CLSTN2: variants seen among roughly 807,000 people sequenced by gnomAD.
CLSTN2 encodes calsyntenin 2.
In CLSTN2, 48 loss-of-function variants were observed where a neutral mutation model predicts 101.2. That is an observed-to-expected ratio of 0.47 (90% CI 0.38 to 0.60). The LOEUF (loss-of-function observed/expected upper bound fraction) is 0.60. CLSTN2 is among the 20% of genes least tolerant of loss of function. CLSTN2 has a pLI of 0.00. For synonymous variants in CLSTN2, 481 were observed against 463.6 expected (o/e 1.04, Z -0.48); for missense variants, 1,160 against 1,238.2 (o/e 0.94, Z 0.95).
At chr3:140,563,342 G>A (rs1012510414) in intron 15 of CLSTN2, 139 bp downstream of exon 15, 1 of 946,128 alleles carries the variant, frequency 1.1e-6, no homozygotes, top group Non-Finnish European at 1.6e-6. Flanking sequence ...GAGAAAATGT[G>A]CCCTGGCTTT....
chr3:140,138,198 A>G (rs2009643896), intron 1 of CLSTN2, among the ~76,000 whole-genome samples: 1 of 152,164 alleles, frequency 6.6e-6, no homozygotes, highest in African/African-American at 2.4e-5. Context: ...AAGTACCCCA[A>G]ATGACAGCAG....
chr3:140,159,092 C>T (rs185670423), intron 1 of CLSTN2, among the ~76,000 whole-genome samples: 54 of 152,142 alleles, frequency 3.5e-4, no homozygotes, highest in East Asian at 9.7e-4. Context: ...AGAAAACCTA[C>T]GAAATATTCT....
chr3:140,379,011 T>G (rs1298723972), intron 2 of CLSTN2, among the ~76,000 whole-genome samples: 1 of 152,236 alleles, frequency 6.6e-6, no homozygotes, highest in African/African-American at 2.4e-5. Flanking sequence ...GAAGTCTTTA[T>G]CTGTTGTGGT....
intron 1 of CLSTN2, among the ~76,000 whole-genome samples, chr3:140,078,571 C>G (rs1191444576): frequency 6.6e-6 from 1 of 152,124 alleles, no homozygotes; most frequent in African/African-American, 2.4e-5. Flanking sequence ...GTGCCACAGC[C>G]TGGAATTATT....
In CLSTN2 at chr3:140,563,130, T is replaced by C. The variant is rs201356149; in HGVS notation, c.2409T>C (p.His803=). 11 of 1,614,072 alleles carry C rather than the reference T, an allele frequency of 6.8e-6. No individual in the cohort carries two copies. The highest frequency in any genetic ancestry group is 1.1e-5 in the South Asian group (1 of 91,074). The stretch of plus-strand genomic sequence containing the variant: ...TCTCAGATAAGGAGCATGTCAATCA[T>C]CTGATTGTGCAGCCTCCCTTCCTCC... ...DQVSDKEHVN[H]LIVQPPFLQS... is the part of the protein sequence containing the mutation. Residue 803 remains histidine, a synonymous_variant, in exon 15 of 17, where the codon CAT becomes CAC. Transcript: ENST00000458420.
At chr3:139,952,455 G>T (rs1935310676) in intron 1 of CLSTN2, among the ~76,000 whole-genome samples, 1 of 32,030 alleles carries the variant, frequency 3.1e-5, no homozygotes, top group African/African-American at 4.8e-5. Flanking sequence ...GACTGCTTTG[G>T]TTTTTTGCCC....
intron 5 of CLSTN2, among the ~76,000 whole-genome samples, chr3:140,430,385 G>A (rs2088615720): frequency 6.6e-6 from 1 of 151,992 alleles, no homozygotes; most frequent in East Asian, 1.9e-4. Flanking sequence ...ACTAAGAGAT[G>A]GTTTTTACAT....
At chr3:140,396,390 C>G (rs527303691) in intron 2 of CLSTN2, among the ~76,000 whole-genome samples, 2 of 152,164 alleles carry the variant, frequency 1.3e-5, no homozygotes, top group Admixed American at 6.5e-5. Context: ...GAAATGATCT[C>G]TACCTTCAGC....
At chr3:140,248,058 C>T (rs2086531509) in intron 2 of CLSTN2, among the ~76,000 whole-genome samples, 1 of 152,174 alleles carries the variant, frequency 6.6e-6, no homozygotes, top group South Asian at 2.1e-4. Flanking sequence ...TTCAGACCTG[C>T]TGCCTCCCAG....
intron 1 of CLSTN2, among the ~76,000 whole-genome samples, chr3:140,097,076 C>A (rs2008881750): frequency 6.6e-6 from 1 of 152,120 alleles, no homozygotes; most frequent in South Asian, 2.1e-4. Context: ...CTCCCAGCCC[C>A]AATATTGGGT....
chr3:140,401,360 A>G (rs780200294), intron 2 of CLSTN2, among the ~76,000 whole-genome samples: 6 of 152,228 alleles, frequency 3.9e-5, no homozygotes, highest in Non-Finnish European at 5.9e-5. Flanking sequence ...TAAGGTACCC[A>G]AGTTGTTAGT....
intron 1 of CLSTN2, among the ~76,000 whole-genome samples, chr3:140,097,744 C>A (rs1418625017): frequency 6.6e-6 from 1 of 152,060 alleles, no homozygotes; most frequent in Non-Finnish European, 1.5e-5. Context: ...CAGATGGGAT[C>A]CATTGAATAA....
chr3:140,073,226 G>A (rs1032990360), intron 1 of CLSTN2, among the ~76,000 whole-genome samples: 4 of 152,314 alleles, frequency 2.6e-5, no homozygotes, highest in South Asian at 4.1e-4. Context: ...ATCCTGTAAT[G>A]TGGTGAAATT....
intron 1 of CLSTN2, among the ~76,000 whole-genome samples, chr3:140,036,395 GA>G (rs1285332909): frequency 1.3e-5 from 2 of 152,262 alleles, no homozygotes; most frequent in Non-Finnish European, 2.9e-5. Context: ...CTGAAGCCTA[GA>G]ATAACCCCCT....
chr3:140,245,567 TGTG>T (rs1443248208), intron 2 of CLSTN2, among the ~76,000 whole-genome samples: 1 of 152,200 alleles, frequency 6.6e-6, no homozygotes, highest in African/African-American at 2.4e-5. Context: ...CTGAATTCAC[TGTG>T]GTGACAAGAA....
intron 2 of CLSTN2, among the ~76,000 whole-genome samples, chr3:140,192,645 G>C (rs1339256849): frequency 6.9e-6 from 1 of 145,460 alleles, no homozygotes; most frequent in Non-Finnish European, 1.5e-5. Context: ...TTGTTTGCAT[G>C]ATATATTCTT....
intron 1 of CLSTN2, among the ~76,000 whole-genome samples, chr3:140,058,100 A>T (rs190724569): frequency 6.6e-6 from 1 of 151,738 alleles, no homozygotes; most frequent in African/African-American, 2.4e-5. Flanking sequence ...AAAAAAAAAA[A>T]TTTCAAAAAC....
At chr3:140,208,664 C>T (rs943687447) in intron 2 of CLSTN2, among the ~76,000 whole-genome samples, 5 of 152,156 alleles carry the variant, frequency 3.3e-5, no homozygotes, top group African/African-American at 4.8e-5. Flanking sequence ...ACCTGTGCAC[C>T]ACCAATGCAA....
rs148240202 is a variant in CLSTN2, at chr3:140,046,698, G to A, written c.109+111215G>A. 1.0e-3 allele frequency among the ~76,000 whole-genome samples: 153 copies of A among 152,194 alleles called. 3 individuals are homozygous for A. The East Asian group carries it at 0.026, about 26-fold the overall frequency. On this transcript the variant is annotated intron_variant, in intron 1 of 16. Transcript: ENST00000458420. ...AGGGCTTCCTTCAGGAGCTCTTGTAGGGCAGGCCTGGTAGTGACAAAATCT... is the reference window on the plus strand; with the variant it reads ...AGGGCTTCCTTCAGGAGCTCTTGTAAGGCAGGCCTGGTAGTGACAAAATCT...
Sources: allele counts gnomAD v4.1 joint callset (sites outside exome capture counted in the v4.1 genomes callset), GRCh38; gene constraint gnomAD v4.1.1; transcripts MANE v1.5; gene names NCBI Gene and HGNC (gene_info 2026-07-23, HGNC 2026-07-21).